The following SLIT2 variants were observed in gnomAD, a reference collection of about 807,000 sequenced individuals.
The protein encoded by SLIT2 is slit guidance ligand 2.
SLIT2 carries 41 observed loss-of-function variants against 185.7 expected under a neutral mutation model. The observed-to-expected ratio is 0.22, with a 90% CI of 0.17 to 0.29. The LOEUF (loss-of-function observed/expected upper bound fraction) is 0.29, where lower values mean the gene tolerates loss of function less well. Among genes scored for constraint, SLIT2 ranks in the 10% least tolerant of loss-of-function variants. SLIT2 has a pLI of 1.00. For synonymous variants in SLIT2, 693 were observed against 680.2 expected, an observed-to-expected ratio of 1.02 and a Z score of -0.29; for missense variants, 1,571 against 1,909.0, an observed-to-expected ratio of 0.82 and a Z score of 3.30.
intron 12 of SLIT2, among the ~76,000 whole-genome samples, chr4:20,520,527 T>C (rs1720748566): frequency 6.6e-6 from 1 of 152,210 alleles, no homozygotes; most frequent in Non-Finnish European, 1.5e-5. Flanking sequence ...GGAGTGTATT[T>C]ATTTCTTGGC....
intron 33 of SLIT2, among the ~76,000 whole-genome samples, chr4:20,600,965 GAAGA>G (rs1728370370): frequency 6.6e-6 from 1 of 151,434 alleles, no homozygotes; most frequent in South Asian, 2.1e-4. Flanking sequence ...AAGAAAAAAG[GAAGA>G]AAGAAAGGAA....
At chr4:20,302,097 A>C (rs1370937814) in intron 4 of SLIT2, among the ~76,000 whole-genome samples, 1 of 152,230 alleles carries the variant, frequency 6.6e-6, no homozygotes, top group Non-Finnish European at 1.5e-5. Context: ...AGAGAAACGA[A>C]GATTAATTTT....
chr4:20,336,709 A>G (rs1214962663), intron 4 of SLIT2, among the ~76,000 whole-genome samples: 1 of 152,180 alleles, frequency 6.6e-6, no homozygotes, highest in East Asian at 1.9e-4. Context: ...AAACTGAAAT[A>G]TGAAGACACA....
At chr4:20,495,143 T>C (rs1006067640) in intron 9 of SLIT2, among the ~76,000 whole-genome samples, 3 of 152,196 alleles carry the variant, frequency 2.0e-5, no homozygotes, top group African/African-American at 7.2e-5. Context: ...CCTTTCAGAC[T>C]GTAAAGAAAA....
In SLIT2 at chr4:20,617,080, G is replaced by A. The variant is rs1235347195; in HGVS notation, c.4018G>A (p.Val1340Met). The change falls in exon 35 of 37, where the codon GTG becomes ATG. Residue 1340 changes from valine to methionine, a missense_variant. Coordinates refer to ENST00000504154, the MANE Select transcript of SLIT2 (RefSeq NM_004787.4). Reference protein sequence around the residue: ...LPGCEPCHKKVCAHGTCQPSS... With the variant: ...LPGCEPCHKKMCAHGTCQPSS... Reference sequence around the variant, plus strand: ...TGGCTGTGAGCCATGCCACAAGAAGGTGTGTGCCCATGGCACATGCCAGCC... The same window carrying A: ...TGGCTGTGAGCCATGCCACAAGAAGATGTGTGCCCATGGCACATGCCAGCC... 6.2e-7 allele frequency: 1 copy of A among 1,614,154 alleles called. No individual in the cohort carries two copies.
rs184108074 is a variant in SLIT2, at chr4:20,524,190, C to T, written c.1438+13C>T. The T allele has an allele frequency of 4.4e-5, 71 of 1,613,036 alleles. No individual in the cohort carries two copies. The highest frequency in any genetic ancestry group is 4.1e-5 in the Non-Finnish European group (48 of 1,179,242). On this transcript the variant is annotated intron_variant, in intron 14 of 36. Coordinates refer to ENST00000504154, the MANE Select transcript of SLIT2 (RefSeq NM_004787.4). Reference sequence around the variant, plus strand: ...TTCCGTTGTTCAGGTAATTTCTTCACGTGTTATTTCCCCTGTGACCAACAA... The same window carrying T: ...TTCCGTTGTTCAGGTAATTTCTTCATGTGTTATTTCCCCTGTGACCAACAA...
At chr4:20,554,971 T>C (rs1295020448) in intron 26 of SLIT2, among the ~76,000 whole-genome samples, 1 of 152,124 alleles carries the variant, frequency 6.6e-6, no homozygotes, top group Non-Finnish European at 1.5e-5. Context: ...GGTTTCACCA[T>C]GTTGGCCAGG....
At chr4:20,411,493 C>T (rs1727255221) in intron 4 of SLIT2, among the ~76,000 whole-genome samples, 3 of 152,144 alleles carry the variant, frequency 2.0e-5, no homozygotes. Context: ...TGCTCTCATC[C>T]AAACCTCTAA....
rs563957101 is a variant in SLIT2 at position 20,373,077 on chromosome 4, C to T, written c.396-94675C>T. Reference sequence around the variant, plus strand: ...TATGTGAAGCAGCATTTCTAATCTCCAGTCACTTCTTTCAACTTACACATC... The same window carrying T: ...TATGTGAAGCAGCATTTCTAATCTCTAGTCACTTCTTTCAACTTACACATC... On this transcript the variant is annotated intron_variant, in intron 4 of 36. Transcript: ENST00000504154. 5.7e-4 allele frequency among the ~76,000 whole-genome samples: 86 copies of T among 152,158 alleles called. No individual in the cohort carries two copies. In the South Asian group the frequency reaches 0.014, roughly 25 times the overall value.
At chr4:20,529,727 A>C (rs1265479975) in intron 16 of SLIT2, among the ~76,000 whole-genome samples, 1 of 152,222 alleles carries the variant, frequency 6.6e-6, no homozygotes, top group East Asian at 1.9e-4. Flanking sequence ...TTCTATGCCC[A>C]TGCATGGTTT....
intron 12 of SLIT2, among the ~76,000 whole-genome samples, chr4:20,521,064 C>G (rs1362402111): frequency 6.6e-6 from 1 of 152,190 alleles, no homozygotes; most frequent in Non-Finnish European, 1.5e-5. Flanking sequence ...CTTCCACATT[C>G]CCCTAGACTT....
chr4:20,511,592 T>TTTTTTTTATTTTTTA lies in SLIT2; in HGVS notation c.1058+462_1058+463insATTTTTTATTTTTTT, dbSNP rs1553915374. On this transcript the variant is annotated intron_variant, in intron 11 of 36. Coordinates refer to ENST00000504154, the MANE Select transcript of SLIT2 (RefSeq NM_004787.4). ...CCTGCCACCACATCCAGCTAATTTT[T>TTTTTTTTATTTTTTA]TTTTTTTTTTTATTTTTGGTAGAGA... Among the ~76,000 whole-genome samples the TTTTTTTTATTTTTTA allele has an allele frequency of 3.7e-5, 5 of 133,508 alleles. No homozygotes were observed. In the East Asian group the frequency reaches 1.2e-3, roughly 31 times the overall value. The allele number at this position is 133,508 out of a possible 152,430, so 87.6% of individuals were successfully genotyped here.
At chr4:20,286,667 T>G (rs1307201971) in intron 4 of SLIT2, among the ~76,000 whole-genome samples, 1 of 152,066 alleles carries the variant, frequency 6.6e-6, no homozygotes, top group East Asian at 1.9e-4. Context: ...ATGGGCGTGG[T>G]AGCGTGTGCC....
chr4:20,380,895 AC>A (rs1226278213), intron 4 of SLIT2, among the ~76,000 whole-genome samples: 1 of 152,158 alleles, frequency 6.6e-6, no homozygotes, highest in Non-Finnish European at 1.5e-5. Context: ...AAACCCCCAA[AC>A]TAATAAACTC....
intron 4 of SLIT2, among the ~76,000 whole-genome samples, chr4:20,416,991 A>G (rs1183792837): frequency 1.3e-5 from 2 of 149,264 alleles, no homozygotes; most frequent in Non-Finnish European, 3.0e-5. Flanking sequence ...CTCAAGTGCG[A>G]CACATTTAAA....
intron 29 of SLIT2, among the ~76,000 whole-genome samples, chr4:20,576,761 T>A (rs1285056147): frequency 1.3e-5 from 2 of 152,192 alleles, no homozygotes; most frequent in East Asian, 3.9e-4. Flanking sequence ...TTGTTTGCTC[T>A]TTAGTTAATA....
In SLIT2 at chr4:20,502,822, T is replaced by C. The variant is rs150412169; in HGVS notation, c.915-7673T>C. 4.6e-3 allele frequency among the ~76,000 whole-genome samples: 698 copies of C among 152,254 alleles called. 7 individuals are homozygous for C. Among genetic ancestry groups the C allele is most frequent in the African/African-American group, 0.016 (662 of 41,548 alleles). ...TAGTAGCATGATTAGATTTCCATGA[T>C]AGAAAAATCACTAACATGGAATGGA... On this transcript the variant is annotated intron_variant, in intron 9 of 36. Transcript: ENST00000504154.
intron 4 of SLIT2, among the ~76,000 whole-genome samples, chr4:20,271,250 A>G (rs760519595): frequency 5.8e-4 from 87 of 151,240 alleles, no homozygotes; most frequent in Non-Finnish European, 8.3e-4. Flanking sequence ...AGGATATGGA[A>G]TTTTTGACAA....
intron 4 of SLIT2, 110 bp downstream of exon 4, chr4:20,268,991 T>A: frequency 1.4e-6 from 1 of 707,888 alleles, no homozygotes; most frequent in Non-Finnish European, 2.6e-6. Flanking sequence ...ATCAATAGAT[T>A]AATGGATTAA....
Sources: allele counts gnomAD v4.1 joint callset (sites outside exome capture counted in the v4.1 genomes callset), GRCh38; gene constraint gnomAD v4.1.1; transcripts MANE v1.5; gene names NCBI Gene and HGNC (gene_info 2026-07-23, HGNC 2026-07-21).